The following EYS variants were observed in gnomAD, a reference collection of about 807,000 sequenced individuals.
EYS encodes the protein EGF-like photoreceptor maintenance factor.
In EYS, 250 loss-of-function variants were observed where a neutral mutation model predicts 282.1. The ratio of observed to expected loss-of-function variants is 0.89; its 90% confidence interval spans 0.80 to 0.98. EYS has a LOEUF of 0.98. Among genes scored for constraint, EYS ranks in the 50% least tolerant of loss-of-function variants. The pLI is 0.00. For synonymous variants in EYS, 1,355 were observed against 1,282.9 expected (o/e 1.06, Z -1.20); for missense variants, 4,016 against 3,709.0 (o/e 1.08, Z -2.15).
At chr6:64,768,289 T>C (rs1166848941) in intron 22 of EYS, among the ~76,000 whole-genome samples, 2 of 152,106 alleles carry the variant, frequency 1.3e-5, no homozygotes, top group East Asian at 3.9e-4. Flanking sequence ...TTTGAGAAAT[T>C]TCCTTTTTTT....
intron 31 of EYS, among the ~76,000 whole-genome samples, chr6:64,218,670 C>T (rs1007876285): frequency 3.9e-5 from 6 of 152,126 alleles, no homozygotes; most frequent in African/African-American, 1.4e-4. Context: ...AATGTCTAGC[C>T]TTGTTTGCCT....
chr6:65,699,826 T>C (rs1769592671), intron 1 of EYS, among the ~76,000 whole-genome samples: 1 of 152,046 alleles, frequency 6.6e-6, no homozygotes, highest in Non-Finnish European at 1.5e-5. Context: ...AAAACTATAT[T>C]AAAACAGGCC....
intron 31 of EYS, among the ~76,000 whole-genome samples, chr6:64,091,155 C>T (rs944824124): frequency 3.9e-5 from 6 of 152,168 alleles, no homozygotes; most frequent in African/African-American, 1.4e-4. Flanking sequence ...AATTAACATA[C>T]ATTAATGATT....
In EYS at chr6:64,990,036, A is replaced by G. The variant is rs570682322; in HGVS notation, c.2259+7546T>C. The stretch of plus-strand genomic sequence containing the variant: ...TGCACATGTGCTTGTTTACACATGT[A>G]TCTATCAACTCCCAAATCCTAAATT... On this transcript the variant is annotated intron_variant, in intron 14 of 42. Coordinates refer to ENST00000503581, the MANE Select transcript of EYS (RefSeq NM_001142800.2). Among the ~76,000 whole-genome samples the G allele has an allele frequency of 1.1e-3, 170 of 151,600 alleles. 1 individual carries two copies. Among genetic ancestry groups the G allele is most frequent in the African/African-American group, 4.0e-3 (166 of 41,470 alleles).
chr6:65,628,980 A>G (rs999660643), intron 2 of EYS, among the ~76,000 whole-genome samples: 1 of 152,222 alleles, frequency 6.6e-6, no homozygotes, highest in Non-Finnish European at 1.5e-5. Flanking sequence ...ATTTTTAACC[A>G]CAACCATTAA....
chr6:64,916,676 C>A (rs1017379951), intron 15 of EYS, among the ~76,000 whole-genome samples: 1 of 151,994 alleles, frequency 6.6e-6, no homozygotes, highest in African/African-American at 2.4e-5. Flanking sequence ...CAGCTAGAAG[C>A]AGAGTCTTTA....
chr6:65,200,240 A>T (rs1235408618), intron 12 of EYS, among the ~76,000 whole-genome samples: 1 of 151,824 alleles, frequency 6.6e-6, no homozygotes, highest in East Asian at 1.9e-4. Flanking sequence ...GAAGATGGAA[A>T]TTCTATTTGA....
In EYS at chr6:64,264,683, G is replaced by A. The variant is rs187091135; in HGVS notation, c.6192-33859C>T. On this transcript the variant is annotated intron_variant, in intron 30 of 42. Transcript: ENST00000503581. ...CCAGCACTTTGGGAGGCTGAAGCAG[G>A]TATATCACTTGAGTTTAGGAGTTTG... 4.5e-3 allele frequency among the ~76,000 whole-genome samples: 687 copies of A among 152,246 alleles called. 1 individual carries two copies. The highest frequency in any genetic ancestry group is 7.0e-3 in the Non-Finnish European group (473 of 67,994).
In EYS at chr6:64,835,233, C is replaced by G. The variant is rs763001618; in HGVS notation, c.2993-12411G>C. ...ATTCAGCTCTCATGAGCACTATTAGCTTTCTCCATCACACCACTGGAAAGG... is the reference window on the plus strand; with the variant it reads ...ATTCAGCTCTCATGAGCACTATTAGGTTTCTCCATCACACCACTGGAAAGG... On this transcript the variant is annotated intron_variant, in intron 19 of 42. Transcript: ENST00000503581. Among the ~76,000 whole-genome samples, 27 of 151,694 alleles carry G rather than the reference C, an allele frequency of 1.8e-4. 1 individual carries two copies. Among genetic ancestry groups the G allele is most frequent in the Admixed American group, 4.6e-4 (7 of 15,148 alleles).
chr6:63,952,175 C>G (rs1254158170), intron 35 of EYS, among the ~76,000 whole-genome samples: 2 of 152,230 alleles, frequency 1.3e-5, no homozygotes, highest in Non-Finnish European at 2.9e-5. Flanking sequence ...CAGGATCTTG[C>G]TTCAAGTGCC....
chr6:65,479,341 T>C (rs1336174161), intron 5 of EYS, among the ~76,000 whole-genome samples: 1 of 152,222 alleles, frequency 6.6e-6, no homozygotes, highest in Non-Finnish European at 1.5e-5. Context: ...GAGTGGATTC[T>C]AAGATTTATA....
intron 22 of EYS, among the ~76,000 whole-genome samples, chr6:64,665,360 C>A (rs1413914624): frequency 1.3e-5 from 2 of 151,978 alleles, no homozygotes; most frequent in African/African-American, 4.8e-5. Flanking sequence ...AGGGATTTAT[C>A]CAAAATTGGA....
At chr6:65,292,817 T>C (rs1208825156) in intron 12 of EYS, among the ~76,000 whole-genome samples, 2 of 151,694 alleles carry the variant, frequency 1.3e-5, no homozygotes, top group African/African-American at 4.8e-5. Flanking sequence ...TCCTGGAATT[T>C]AAACAGTTTT....
rs570671307 is a variant in EYS at position 65,189,511 on chromosome 6, T to C, written c.2023+106352A>G. Among the ~76,000 whole-genome samples the C allele has an allele frequency of 2.6e-5, 4 of 151,868 alleles. No individual in the cohort carries two copies. The Admixed American group carries it at 2.6e-4, about 10-fold the overall frequency. ...AGCAGTTTAATGTTAGTATAAAATA[T>C]TGCCCCATTAAAGCACAGAAGACAA... On this transcript the variant is annotated intron_variant, in intron 12 of 42. Coordinates refer to ENST00000503581, the MANE Select transcript of EYS (RefSeq NM_001142800.2).
At chr6:64,853,062 T>C (rs1765937792) in intron 19 of EYS, among the ~76,000 whole-genome samples, 1 of 152,110 alleles carries the variant, frequency 6.6e-6, no homozygotes, top group Non-Finnish European at 1.5e-5. Flanking sequence ...ACTATGAAAT[T>C]AGAGAGACCC....
intron 12 of EYS, among the ~76,000 whole-genome samples, chr6:65,204,630 T>C (rs887875838): frequency 1.3e-5 from 2 of 151,744 alleles, no homozygotes; most frequent in Non-Finnish European, 2.9e-5. Flanking sequence ...ATTACACAAT[T>C]GAGACTCCAA....
At position 64,125,324 on chromosome 6, in the gene EYS, A is replaced by G. The variant is rs553106304; in HGVS notation, c.6425-43322T>C. On this transcript the variant is annotated intron_variant, in intron 31 of 42. Transcript: ENST00000503581. ...GCTTGGCTTTTCTGGTGGTTAGTGG[A>G]TGGAGTTAGACTGAAGGTTCCCATG... is the stretch of plus-strand genomic sequence containing the variant. Among the ~76,000 whole-genome samples, 3 of 152,156 alleles carry G rather than the reference A, an allele frequency of 2.0e-5. No homozygotes were observed. The South Asian group carries it at 6.2e-4, about 32-fold the overall frequency.
chr6:64,566,877 G>T (rs970353524), intron 26 of EYS, among the ~76,000 whole-genome samples: 13 of 152,054 alleles, frequency 8.5e-5, no homozygotes, highest in Admixed American at 8.5e-4. Context: ...CAGTTCACAT[G>T]ATTCTCCTGC....
At chr6:65,659,419 T>C (rs938735747) in intron 1 of EYS, among the ~76,000 whole-genome samples, 7 of 151,706 alleles carry the variant, frequency 4.6e-5, no homozygotes, top group Admixed American at 2.0e-4. Flanking sequence ...TGTTGGAATA[T>C]AAAATAAGGA....
Sources: gnomAD v4.1 joint callset for allele counts (sites outside exome capture counted in the v4.1 genomes callset) on GRCh38, gnomAD v4.1.1 for gene constraint, MANE v1.5 for transcripts, NCBI Gene and HGNC (gene_info 2026-07-23, HGNC 2026-07-21) for gene names.